ERCC6: variants seen among roughly 807,000 people sequenced by gnomAD.
ERCC6 encodes ERCC excision repair 6, chromatin remodeling factor, also known as DNA excision repair protein ERCC-6.
A neutral mutation model predicts 158.7 loss-of-function variants in ERCC6; 116 were observed. That is an observed-to-expected ratio of 0.73 (90% CI 0.63 to 0.85). The LOEUF (loss-of-function observed/expected upper bound fraction) is 0.85, where lower values mean the gene tolerates loss of function less well. Among genes scored for constraint, ERCC6 ranks in the 40% least tolerant of loss-of-function variants. The probability of loss-of-function intolerance (pLI) is 0.00; values close to 1 mark genes in which losing one functional copy is unlikely to be tolerated. For missense variants in ERCC6, 1,698 were observed against 1,799.4 expected, an observed-to-expected ratio of 0.94 and a Z score of 1.02; for synonymous variants, 678 against 659.3, an observed-to-expected ratio of 1.03 and a Z score of -0.43.
At chr10:49,484,147 G>T (rs184125464) in intron 8 of ERCC6, among the ~76,000 whole-genome samples, 72 of 152,000 alleles carry the variant, frequency 4.7e-4, no homozygotes, top group Admixed American at 1.7e-3. Context: ...TGGATGTGGT[G>T]CCAAGCACCT....
the ERCC6 span, among the ~76,000 whole-genome samples, chr10:49,437,827 C>T: frequency 6.6e-6 from 1 of 152,092 alleles, no homozygotes; most frequent in Non-Finnish European, 1.5e-5. Flanking sequence ...GGAAGAAAAA[C>T]ATGGAAATAG....
At chr10:49,484,120 A>C (rs891392229) in intron 8 of ERCC6, among the ~76,000 whole-genome samples, 2 of 151,742 alleles carry the variant, frequency 1.3e-5, no homozygotes, top group East Asian at 1.9e-4. Context: ...CTCTAAAAAA[A>C]AATTTTAAAA....
At chr10:49,509,018 C>G (rs1187560553) in intron 5 of ERCC6, among the ~76,000 whole-genome samples, 1 of 152,122 alleles carries the variant, frequency 6.6e-6, no homozygotes, top group Non-Finnish European at 1.5e-5. Flanking sequence ...CTGGGTTTGA[C>G]ATATGCAGAA....
Position 49,470,490 on chromosome 10 carries a change from C to A in ERCC6, c.3470G>T (p.Arg1157Ile), listed in dbSNP as rs752401611. ...TGTTTGAGCCTGGCTGGGTCTTTCT[C>A]TTTTGTAAGAAAGACCTAACTTTTC... ...IDEKLGLSYK[R>I]ERPSQAQTEA... The change falls in exon 18 of 21, where the codon AGA (arginine) becomes ATA (isoleucine). Residue 1157 changes from arginine to isoleucine, a missense_variant. Transcript: ENST00000355832. The A allele has an allele frequency of 1.2e-6, 2 of 1,614,122 alleles. No homozygotes were observed. Among genetic ancestry groups the A allele is most frequent in the South Asian group, 2.2e-5 (2 of 91,082 alleles).
chr10:49,472,639 A>T (rs10437449), intron 15 of ERCC6, 169 bp from the exon 16 acceptor site: 1 of 775,762 alleles, frequency 1.3e-6, no homozygotes, highest in Admixed American at 2.2e-5. Flanking sequence ...AGCCAGTTGA[A>T]AAGACATCTC....
chr10:49,510,413 C>A (rs1344123625), intron 5 of ERCC6, among the ~76,000 whole-genome samples: 1 of 152,166 alleles, frequency 6.6e-6, no homozygotes, highest in African/African-American at 2.4e-5. Flanking sequence ...AATCCTTCCC[C>A]TTACATATCC....
chr10:49,534,565 A>G (rs61846615), intron 1 of ERCC6, among the ~76,000 whole-genome samples: 28,571 of 152,196 alleles, frequency 0.19, 3,148 homozygotes, highest in South Asian at 0.35. Context: ...GGCAGGATAC[A>G]AACTAAGCCT....
chr10:49,529,912 T>A (rs547048434), intron 3 of ERCC6, among the ~76,000 whole-genome samples: 6 of 151,660 alleles, frequency 4.0e-5, no homozygotes, highest in African/African-American at 1.5e-4. Flanking sequence ...AAAAATAATA[T>A]CCTAAGTAAC....
intron 20 of ERCC6, among the ~76,000 whole-genome samples, chr10:49,459,547 A>C (rs956751663): frequency 2.0e-5 from 3 of 152,124 alleles, no homozygotes; most frequent in African/African-American, 4.8e-5. Flanking sequence ...GTTTCAGGAA[A>C]ATCTGTCTCT....
intron 6 of ERCC6, chr10:49,501,561 AC>A (rs1851355115): frequency 6.6e-6 from 1 of 152,194 alleles, no homozygotes; most frequent in Non-Finnish European, 1.5e-5. Context: ...AAGGAAAAAT[AC>A]AAAAAAATTT....
intron 3 of ERCC6, 114 bp from the exon 4 acceptor site, chr10:49,528,639 T>C: frequency 1.5e-6 from 2 of 1,313,006 alleles, no homozygotes; most frequent in Non-Finnish European, 2.1e-6. Context: ...AAAAATAATA[T>C]ACATTACATA....
intron 18 of ERCC6, among the ~76,000 whole-genome samples, chr10:49,465,671 A>G (rs1850662762): frequency 6.6e-6 from 1 of 152,206 alleles, no homozygotes; most frequent in South Asian, 2.1e-4. Flanking sequence ...TTCTTGTACT[A>G]GTGAATGAGT....
intron 18 of ERCC6, among the ~76,000 whole-genome samples, chr10:49,469,809 C>T (rs1445259119): frequency 8.5e-5 from 13 of 152,336 alleles, no homozygotes; most frequent in East Asian, 5.8e-4. Flanking sequence ...TCTAGCCACA[C>T]GCTTGTCCCT....
intron 18 of ERCC6, among the ~76,000 whole-genome samples, chr10:49,469,266 A>T (rs1850729400): frequency 6.6e-6 from 1 of 152,188 alleles, no homozygotes; most frequent in Non-Finnish European, 1.5e-5. Context: ...GGCAGACTCC[A>T]CCTTAACCAA....
chr10:49,501,103 T>C (rs1590436359), intron 6 of ERCC6: 2 of 250,360 alleles, frequency 8.0e-6, no homozygotes, highest in East Asian at 2.1e-4. Context: ...CACTAATGTT[T>C]ATTTTTTCAA....
the ERCC6 span, among the ~76,000 whole-genome samples, chr10:49,445,661 T>A: frequency 1.3e-5 from 2 of 152,226 alleles, no homozygotes; most frequent in Admixed American, 1.3e-4. Flanking sequence ...TTATTTATAA[T>A]GTTAAATATA....
Position 49,457,901 on chromosome 10 carries a change from G to C in ERCC6, c.*914C>G, listed in dbSNP as rs1850510174. ...CAGAAACAAGAAAGCCCGTCGCAAG[G>C]AATGCAAAGGCAGGCGCAAGACGAA... On this transcript the variant is annotated 3_prime_UTR_variant, in exon 21 of 21. Coordinates refer to ENST00000355832, the MANE Select transcript of ERCC6 (RefSeq NM_000124.4). 1.3e-5 allele frequency: 2 copies of C among 152,288 alleles called. No homozygotes were observed. Among genetic ancestry groups the C allele is most frequent in the South Asian group, 4.1e-4 (2 of 4,832 alleles). The allele number at this position is 152,288 out of a possible 1,614,324, so 9.4% of individuals were successfully genotyped here.
intron 7 of ERCC6, among the ~76,000 whole-genome samples, chr10:49,495,326 G>A (rs1033823930): frequency 2.6e-5 from 4 of 152,108 alleles, no homozygotes; most frequent in Non-Finnish European, 5.9e-5. Flanking sequence ...AGGGCCACAC[G>A]CCTGCCTCTC....
rs138059408 is a variant in ERCC6, at chr10:49,533,393, G to A, written c.-14-415C>T. 6.4e-3 allele frequency among the ~76,000 whole-genome samples: 978 copies of A among 152,296 alleles called. 11 individuals are homozygous for A. The highest frequency in any genetic ancestry group is 0.022 in the African/African-American group (912 of 41,542). On this transcript the variant is annotated intron_variant, in intron 1 of 20. Coordinates refer to ENST00000355832, the MANE Select transcript of ERCC6 (RefSeq NM_000124.4). ...ATCAACTGTAATGCATAGGAACAGCGATGTTAGGAAAGAGCTTCTGTGTGA... is the reference window on the plus strand; with the variant it reads ...ATCAACTGTAATGCATAGGAACAGCAATGTTAGGAAAGAGCTTCTGTGTGA...
Sources: allele counts gnomAD v4.1 joint callset (sites outside exome capture counted in the v4.1 genomes callset), GRCh38; gene constraint gnomAD v4.1.1; transcripts MANE v1.5; gene names NCBI Gene and HGNC (gene_info 2026-07-23, HGNC 2026-07-21).